Variants in APC2 observed in about 807,000 individuals in gnomAD.
APC2 encodes the protein adenomatous polyposis coli protein 2.
A neutral mutation model predicts 72.5 loss-of-function variants in APC2; 41 were observed. That is an observed-to-expected ratio of 0.57 (90% CI 0.44 to 0.73). APC2 has a LOEUF of 0.73. Among genes scored for constraint, APC2 ranks in the 30% least tolerant of loss-of-function variants. The pLI is 0.00. For missense variants in APC2, 3,729 were observed against 3,403.4 expected, an observed-to-expected ratio of 1.10 and a Z score of -2.38; for synonymous variants, 1,898 against 1,612.0, an observed-to-expected ratio of 1.18 and a Z score of -4.25.
Position 1,453,013 on chromosome 19 carries a change from C to T in APC2, c.12C>T (p.Ser4=), listed in dbSNP as rs763412469. The change falls in exon 2 of 15, where the codon TCC becomes TCT. Residue 4 remains serine (S), a synonymous_variant. Coordinates refer to ENST00000590469, the MANE Select transcript of APC2 (RefSeq NM_005883.3). MAS[S]VAPYEQLVRQ... is the part of the protein sequence containing the mutation. ...TGCAGGAGCTGAAGATGGCGAGCTC[C>T]GTGGCGCCCTACGAGCAGCTGGTGA... 22 of 1,611,078 alleles carry T rather than the reference C, an allele frequency of 1.4e-5. No homozygotes were observed. The highest frequency in any genetic ancestry group is 3.3e-5 in the Admixed American group (2 of 59,976).
Position 1,452,653 on chromosome 19 carries a change from G to C in APC2, c.-18-331G>C, listed in dbSNP as rs994084496. 1.1e-5 allele frequency: 3 copies of C among 267,698 alleles called. No individual in the cohort carries two copies. Among genetic ancestry groups the C allele is most frequent in the African/African-American group, 2.2e-5 (1 of 45,342 alleles). The allele number at this position is 267,698 out of a possible 1,614,324, so 16.6% of individuals were successfully genotyped here. ...GTCTGTGTGTTTGTCCGGCTGTCAG[G>C]ATGTGTCCTGGGGGCTGGGAAGGAG... is the stretch of plus-strand genomic sequence containing the variant. On this transcript the variant is annotated intron_variant, in intron 1 of 14. Coordinates refer to ENST00000590469, the MANE Select transcript of APC2 (RefSeq NM_005883.3). The surrounding 1 kb of genome is among the most constrained non-coding windows in gnomAD (Gnocchi z 5.1).
Position 1,467,163 on chromosome 19 carries a change from G to A in APC2, c.3862G>A (p.Val1288Met). ...CGCGCTGGCCTTGCACGAGCACTAC[G>A]TGCAGCAGGACGTGGAGCTGCGGCT... ...LSALALHEHY[V>M]QQDVELRLLP... is the part of the protein sequence containing the mutation. The change falls in exon 15 of 15, where the codon GTG becomes ATG. Residue 1288 changes from valine to methionine, a missense_variant. By Grantham distance (21) the Val-to-Met change is conservative. Transcript: ENST00000590469. 1 of 1,547,780 alleles carries A rather than the reference G, an allele frequency of 6.5e-7. No individual in the cohort carries two copies. The highest frequency in any genetic ancestry group is 8.7e-7 in the Non-Finnish European group (1 of 1,147,746).
chr19:1,448,918 C>G (rs2083712685), upstream of APC2, among the ~76,000 whole-genome samples: 1 of 152,202 alleles, frequency 6.6e-6, no homozygotes, highest in African/African-American at 2.4e-5. Context: ...ATTGCCTCCC[C>G]AGACCCAACC....
chr19:1,454,563 C>CTTTTCTTTTTTTTT (rs1569140915), intron 4 of APC2, among the ~76,000 whole-genome samples: 1 of 116,172 alleles, frequency 8.6e-6, no homozygotes, highest in Non-Finnish European at 1.7e-5. Context: ...ATCTTTTGTA[C>CTTTTCTTTTTTTTT]TTTTTTTTTT....
rs1168920992 is a variant in APC2, at chr19:1,467,646, G to A, written c.4345G>A (p.Gly1449Ser). ...MGHRHKAGGA[G>S]RSAEQSRGAG... Reference sequence around the variant, plus strand: ...GCACCGGCACAAGGCGGGAGGCGCCGGCCGCAGCGCGGAGCAGTCTCGGGG... The same window carrying A: ...GCACCGGCACAAGGCGGGAGGCGCCAGCCGCAGCGCGGAGCAGTCTCGGGG... The change falls in exon 15 of 15, where the codon GGC becomes AGC. Residue 1449 changes from glycine to serine, a missense_variant. Physicochemically the swap from Gly to Ser is moderately conservative, Grantham distance 56. Transcript: ENST00000590469. 5.4e-6 allele frequency: 8 copies of A among 1,480,874 alleles called. No homozygotes were observed. Among genetic ancestry groups the A allele is most frequent in the Admixed American group, 2.3e-5 (1 of 43,862 alleles). The allele number at this position is 1,480,874 out of a possible 1,614,324, so 91.7% of individuals were successfully genotyped here.
At chr19:1,455,764 C>T (rs1031951097) in intron 6 of APC2, among the ~76,000 whole-genome samples, 3 of 151,146 alleles carry the variant, frequency 2.0e-5, no homozygotes, top group Admixed American at 1.3e-4. Flanking sequence ...GCCAGATCAG[C>T]AGGTGGGTGG....
chr19:1,448,642 G>A (rs957129245), upstream of APC2, among the ~76,000 whole-genome samples: 2 of 151,402 alleles, frequency 1.3e-5, no homozygotes, highest in Non-Finnish European at 2.9e-5. Flanking sequence ...TCAGGAGATC[G>A]AGACCATCCT....
upstream of APC2, among the ~76,000 whole-genome samples, chr19:1,446,670 CA>C (rs2083690594): frequency 6.6e-6 from 1 of 152,176 alleles, no homozygotes; most frequent in East Asian, 1.9e-4. This position sits in a 1 kb window ranked among gnomAD's most constrained non-coding sequence, Gnocchi z 6.1. Flanking sequence ...GAGGCTGCGC[CA>C]GCTGGGGCGG....
At chr19:1,461,304 T>C in intron 13 of APC2, 151 bp downstream of exon 13, 1 of 678,144 alleles carries the variant, frequency 1.5e-6, no homozygotes, top group South Asian at 1.8e-5. Context: ...TGGGGCTCAC[T>C]CCTCATGTCA....
At position 1,452,991 on chromosome 19, in the gene APC2, A is replaced by G. The variant is rs761964064; in HGVS notation, c.-11A>G. ...CTGACCCTGTGATCCCAGACGCTGC[A>G]GGAGCTGAAGATGGCGAGCTCCGTG... On this transcript the variant is annotated 5_prime_UTR_variant, in exon 2 of 15. Transcript: ENST00000590469. This position sits in a 1 kb window ranked among gnomAD's most constrained non-coding sequence, Gnocchi z 5.1. 2 of 1,610,804 alleles carry G rather than the reference A, an allele frequency of 1.2e-6. No individual in the cohort carries two copies. Among genetic ancestry groups the G allele is most frequent in the African/African-American group, 2.7e-5 (2 of 74,838 alleles).
At chr19:1,459,205 GC>G (rs2083886456) in intron 10 of APC2, among the ~76,000 whole-genome samples, 1 of 152,050 alleles carries the variant, frequency 6.6e-6, no homozygotes, top group Admixed American at 6.6e-5. Flanking sequence ...TTGTTTCAGA[GC>G]CTCATTCCTT....
Position 1,455,201 on chromosome 19 carries a change from T to C in APC2, c.466T>C (p.Tyr156His). Residue 156 changes from tyrosine (Y) to histidine (H), a missense_variant, in exon 5 of 15, where the codon TAC becomes CAC. Transcript: ENST00000590469. ...GGAGGAGAAGGAGAAGCTCTGGTAC[T>C]ACTCTCAGCTGCAGGGCCTGTCCAA... ...EKEEKEKLWYYSQLQGLSKRL... is the reference protein window; with the variant it reads ...EKEEKEKLWYHSQLQGLSKRL... 1 of 1,582,012 alleles carries C rather than the reference T, an allele frequency of 6.3e-7. No individual in the cohort carries two copies.
Position 1,467,443 on chromosome 19 carries a change from C to T in APC2, c.4142C>T (p.Ala1381Val), listed in dbSNP as rs2145244363. 2 of 1,477,408 alleles carry T rather than the reference C, an allele frequency of 1.4e-6. No individual in the cohort carries two copies. Among genetic ancestry groups the T allele is most frequent in the African/African-American group, 1.5e-5 (1 of 68,512 alleles). The allele number at this position is 1,477,408 out of a possible 1,614,324, so 91.5% of individuals were successfully genotyped here. ...GTCTACATGTTGGTGCCCGCCCCGG[C>T]CCCGGCCCAGGAGGACGACTCCTGC... ...VPVYMLVPAP[A>V]PAQEDDSCTD... Residue 1381 changes from alanine to valine, a missense_variant, in exon 15 of 15, where the codon GCC (alanine) becomes GTC (valine). Physicochemically the swap from Ala to Val is moderately conservative, Grantham distance 64. Transcript: ENST00000590469.
At chr19:1,458,980 G>A (rs181621495) in intron 10 of APC2, among the ~76,000 whole-genome samples, 345 of 152,098 alleles carry the variant, frequency 2.3e-3, no homozygotes, top group Middle Eastern at 6.8e-3. Flanking sequence ...CACCACGCCC[G>A]GCCACTTTAC....
At position 1,466,744 on chromosome 19, in the gene APC2, C is replaced by T. The variant is rs775118003; in HGVS notation, c.3443C>T (p.Ser1148Leu). Reference sequence around the variant, plus strand: ...GAAGACGCCACGCCGTCCAGCTCGTCGGAGAACTACGTGCAGGAGACACCG... The same window carrying T: ...GAAGACGCCACGCCGTCCAGCTCGTTGGAGAACTACGTGCAGGAGACACCG... ...GVEDATPSSS[S>L]ENYVQETPLV... The change falls in exon 15 of 15, where the codon TCG (serine) becomes TTG (leucine). Residue 1148 changes from serine (S) to leucine (L), a missense_variant. Transcript: ENST00000590469. 9.7e-6 allele frequency: 15 copies of T among 1,545,242 alleles called. No homozygotes were observed. In the Admixed American group the frequency reaches 1.2e-4, roughly 12 times the overall value.
chr19:1,466,913 G>T lies in APC2; in HGVS notation c.3612G>T (p.Gln1204His). 6.3e-7 allele frequency: 1 copy of T among 1,588,968 alleles called. No individual in the cohort carries two copies. ...SPSELPDSPG[Q>H]TMPPSRSKTP... ...GCGAGCTGCCCGACAGCCCCGGACA[G>T]ACCATGCCTCCCAGCCGGAGCAAGA... Residue 1204 changes from glutamine to histidine, a missense_variant, in exon 15 of 15, where the codon CAG (glutamine) becomes CAT (histidine). Gln to His is a conservative substitution (Grantham distance 24, BLOSUM62 0). Transcript: ENST00000590469.
intron 13 of APC2, chr19:1,461,614 A>G (rs1050877910): frequency 9.5e-6 from 3 of 315,664 alleles, no homozygotes; most frequent in East Asian, 1.4e-4. Context: ...GCACTTTGGG[A>G]GGCCGAGGCG....
In APC2 at chr19:1,455,465, T is replaced by C; in HGVS notation, c.604T>C (p.Phe202Leu). Reference protein sequence around the residue: ...QHIRSLMEERFGTSDEMVQRA... With the variant: ...QHIRSLMEERLGTSDEMVQRA... ...CATCCGCTCGCTGATGGAGGAGCGC[T>C]TCGGCACCTCGGACGAGATGGTGCA... is the stretch of plus-strand genomic sequence containing the variant. The change falls in exon 6 of 15, where the codon TTC becomes CTC. Residue 202 changes from phenylalanine to leucine, a missense_variant. Transcript: ENST00000590469. The C allele has an allele frequency of 6.2e-7, 1 of 1,605,168 alleles. No homozygotes were observed. Among genetic ancestry groups the C allele is most frequent in the Non-Finnish European group, 8.5e-7 (1 of 1,176,370 alleles).
chr19:1,468,437 C>G lies in APC2; in HGVS notation c.5136C>G (p.Ser1712=), dbSNP rs1357211672. The change falls in exon 15 of 15, where the codon TCC becomes TCG. Residue 1712 remains serine, a synonymous_variant. Coordinates refer to ENST00000590469, the MANE Select transcript of APC2 (RefSeq NM_005883.3). ...CAGCTGCCACGCGGGAGGCCTCGTCCGAGTCCGACTCCATCCTGTCCTTCG... is the reference window on the plus strand; with the variant it reads ...CAGCTGCCACGCGGGAGGCCTCGTCGGAGTCCGACTCCATCCTGTCCTTCG... ...QAAAATREAS[S]ESDSILSFVS... is the part of the protein sequence containing the mutation. 10 of 1,593,036 alleles carry G rather than the reference C, an allele frequency of 6.3e-6. No individual in the cohort carries two copies. Among genetic ancestry groups the G allele is most frequent in the Non-Finnish European group, 1.7e-6 (2 of 1,171,174 alleles).
Sources: gnomAD v4.1 joint callset for allele counts (sites outside exome capture counted in the v4.1 genomes callset) on GRCh38, gnomAD v4.1.1 for gene constraint, Gnocchi (gnomAD v3.1) non-coding constraint, MANE v1.5 for transcripts, NCBI Gene and HGNC (gene_info 2026-07-23, HGNC 2026-07-21) for gene names.